Variants in RGS7 observed in about 807,000 individuals in gnomAD.
RGS7 encodes the protein regulator of G-protein signaling 7.
In RGS7, 27 loss-of-function variants were observed where a neutral mutation model predicts 81.1. The ratio of observed to expected loss-of-function variants is 0.33; its 90% CI spans 0.25 to 0.46. RGS7 has a LOEUF of 0.46. Ranked by LOEUF, RGS7 falls within the 20% of genes least tolerant of loss-of-function variation. The pLI, the probability that RGS7 is intolerant of heterozygous loss-of-function variation, is 1.00. For missense variants in RGS7, 396 were observed against 607.4 expected, an observed-to-expected ratio of 0.65 and a Z score of 3.66; for synonymous variants, 208 against 207.7, an observed-to-expected ratio of 1.00 and a Z score of -0.01.
chr1:241,065,909 G>C (rs2062033371), intron 3 of RGS7, among the ~76,000 whole-genome samples: 1 of 152,114 alleles, frequency 6.6e-6, no homozygotes, highest in Admixed American at 6.5e-5. Context: ...CATAAATCAT[G>C]TACTTAGAAC....
At chr1:240,792,256 G>A (rs1686130642) in intron 18 of RGS7, among the ~76,000 whole-genome samples, 1 of 152,100 alleles carries the variant, frequency 6.6e-6, no homozygotes, top group South Asian at 2.1e-4. Context: ...AAGTTTATTG[G>A]TGCTACAAGT....
chr1:241,096,244 G>A (rs1314726493), intron 3 of RGS7, among the ~76,000 whole-genome samples: 2 of 152,130 alleles, frequency 1.3e-5, no homozygotes, highest in South Asian at 2.1e-4. Flanking sequence ...AGTCCGTTGC[G>A]AGTTGGGCCA....
chr1:240,859,653 C>CA (rs1661831481), intron 9 of RGS7, among the ~76,000 whole-genome samples: 2 of 151,482 alleles, frequency 1.3e-5, no homozygotes, highest in Non-Finnish European at 1.5e-5. Context: ...TGGTTTTTTC[C>CA]AAAAAAAGTT....
At chr1:241,176,432 C>T (rs2071150510) in intron 2 of RGS7, among the ~76,000 whole-genome samples, 1 of 152,132 alleles carries the variant, frequency 6.6e-6, no homozygotes, top group South Asian at 2.1e-4. Context: ...ATAGTTATTT[C>T]TGGGTCAGTG....
intron 10 of RGS7, among the ~76,000 whole-genome samples, chr1:240,826,888 G>T (rs778231749): frequency 6.6e-6 from 1 of 151,902 alleles, no homozygotes; most frequent in Admixed American, 6.6e-5. Context: ...TGTTCCTCTC[G>T]TCTCAGTCAG....
chr1:241,125,954 A>C (rs1443891600), intron 2 of RGS7, among the ~76,000 whole-genome samples: 1 of 152,076 alleles, frequency 6.6e-6, no homozygotes. Context: ...GCCCAGAGAG[A>C]TGGAAGTTAA....
At chr1:240,914,548 A>G (rs1672279216) in intron 6 of RGS7, among the ~76,000 whole-genome samples, 1 of 152,166 alleles carries the variant, frequency 6.6e-6, no homozygotes, top group Non-Finnish European at 1.5e-5. Flanking sequence ...GTATCCCATT[A>G]CTCTCAGAGG....
intron 9 of RGS7, among the ~76,000 whole-genome samples, chr1:240,863,166 A>G (rs1253665286): frequency 6.6e-6 from 1 of 152,106 alleles, no homozygotes; most frequent in Non-Finnish European, 1.5e-5. Context: ...AGGCTTAAAT[A>G]TAGTTTATAT....
chr1:240,962,243 A>C (rs562290464), intron 4 of RGS7, among the ~76,000 whole-genome samples: 1 of 152,192 alleles, frequency 6.6e-6, no homozygotes, highest in African/African-American at 2.4e-5. Flanking sequence ...AGCTCTGGTG[A>C]ATCTCCCTTC....
At chr1:240,911,390 ATTCTTCTTCTGGTGAT>A (rs1671724512) in intron 6 of RGS7, among the ~76,000 whole-genome samples, 1 of 151,718 alleles carries the variant, frequency 6.6e-6, no homozygotes, top group South Asian at 2.1e-4. Flanking sequence ...TTCTCTCTTG[ATTCTTCTTCTGGTGAT>A]TTCTTCTTAA....
chr1:241,005,831 G>A (rs765119981), intron 3 of RGS7, among the ~76,000 whole-genome samples: 6 of 152,102 alleles, frequency 3.9e-5, no homozygotes, highest in East Asian at 1.9e-4. Flanking sequence ...CACCGCGCCC[G>A]GCCACGTCTG....
chr1:241,290,068 C>A (rs1004323024), intron 2 of RGS7, among the ~76,000 whole-genome samples: 2 of 152,130 alleles, frequency 1.3e-5, no homozygotes, highest in African/African-American at 4.8e-5. Flanking sequence ...TTTTTATATA[C>A]TGGTTAGTGG....
chr1:241,024,636 G>A (rs1288305076), intron 3 of RGS7, among the ~76,000 whole-genome samples: 2 of 152,102 alleles, frequency 1.3e-5, no homozygotes, highest in South Asian at 2.1e-4. Flanking sequence ...TAAGGACGCC[G>A]AATGGAAGAA....
chr1:240,819,673 G>A (rs1691435237), intron 10 of RGS7, among the ~76,000 whole-genome samples: 1 of 152,230 alleles, frequency 6.6e-6, no homozygotes, highest in Non-Finnish European at 1.5e-5. Context: ...AGGAGGCAGA[G>A]GCTGCAGTGA....
At chr1:241,287,627 AT>A (rs1175109926) in intron 2 of RGS7, among the ~76,000 whole-genome samples, 1 of 151,952 alleles carries the variant, frequency 6.6e-6, no homozygotes, top group Non-Finnish European at 1.5e-5. Context: ...TCCCGGTTTT[AT>A]TTTTTTGTAA....
At chr1:241,347,142 T>C (rs548073673) in intron 2 of RGS7, among the ~76,000 whole-genome samples, 99 of 152,326 alleles carry the variant, frequency 6.5e-4, no homozygotes, top group Non-Finnish European at 9.8e-4. Context: ...TAGATTTGTA[T>C]TGTTCTTGAC....
At chr1:241,266,318 C>A (rs936150954) in intron 2 of RGS7, among the ~76,000 whole-genome samples, 1 of 152,214 alleles carries the variant, frequency 6.6e-6, no homozygotes, top group African/African-American at 2.4e-5. Context: ...TTTGCAGCTT[C>A]TATGTGTAGC....
chr1:240,827,883 A>C (rs1253992007), intron 9 of RGS7, among the ~76,000 whole-genome samples: 3 of 149,858 alleles, frequency 2.0e-5, no homozygotes, highest in South Asian at 2.1e-4. Flanking sequence ...AAAAAAAAAA[A>C]AAAAACAGGC....
intron 3 of RGS7, among the ~76,000 whole-genome samples, chr1:241,094,780 A>G (rs2502431): frequency 0.025 from 3,882 of 152,246 alleles, 168 homozygotes; most frequent in African/African-American, 0.088. Flanking sequence ...TGCAGGGGGA[A>G]TTGGATTATA....
Sources: allele counts gnomAD v4.1 joint callset (sites outside exome capture counted in the v4.1 genomes callset), GRCh38; gene constraint gnomAD v4.1.1; transcripts MANE v1.5; gene names NCBI Gene and HGNC (gene_info 2026-07-23, HGNC 2026-07-21).